PPP6R3: variants seen among roughly 807,000 people sequenced by gnomAD.
PPP6R3 encodes the protein serine/threonine-protein phosphatase 6 regulatory subunit 3.
In PPP6R3, 38 loss-of-function variants were observed where a neutral mutation model predicts 110.7. That is an observed-to-expected ratio of 0.34 (90% CI 0.26 to 0.45). The LOEUF (loss-of-function observed/expected upper bound fraction) is 0.45, where lower values mean the gene tolerates loss of function less well. Ranked by LOEUF, PPP6R3 falls within the 20% of genes least tolerant of loss-of-function variation. The pLI, the probability that PPP6R3 is intolerant of heterozygous loss-of-function variation, is 1.00. For synonymous variants in PPP6R3, 369 were observed against 373.5 expected (o/e 0.99, Z 0.14); for missense variants, 870 against 1,062.4 (o/e 0.82, Z 2.52).
chr11:68,603,690 C>A, intron 22 of PPP6R3, 198 bp downstream of exon 22: 1 of 607,968 alleles, frequency 1.6e-6, no homozygotes, highest in South Asian at 2.0e-5. Flanking sequence ...CCTTTTCCCC[C>A]ATAAATGTGT....
At chr11:68,528,434 G>GC (rs1491122305) in intron 2 of PPP6R3, among the ~76,000 whole-genome samples, 3 of 10,184 alleles carry the variant, frequency 2.9e-4, no homozygotes, top group Admixed American at 2.3e-3. Context: ...TTGTGTGTGT[G>GC]GGGGGGGGGG....
chr11:68,476,427 C>T lies in PPP6R3; in HGVS notation c.-158+15600C>T, dbSNP rs534934263. The stretch of plus-strand genomic sequence containing the variant: ...AGATGGCAGCAGTACAGTCCAGCTT[C>T]GGCTGGGCATCAGAGGGAGACCGTG... On this transcript the variant is annotated intron_variant, in intron 1 of 23. Coordinates refer to ENST00000393800, the MANE Select transcript of PPP6R3 (RefSeq NM_001164161.2). Among the ~76,000 whole-genome samples, 870 of 100,386 alleles carry T rather than the reference C, an allele frequency of 8.7e-3. 13 individuals are homozygous for T. The highest frequency in any genetic ancestry group is 0.031 in the African/African-American group (803 of 25,500). The allele number at this position is 100,386 out of a possible 152,430, so 65.9% of individuals were successfully genotyped here. A position where few individuals can be genotyped will look rare whatever the true frequency, so the allele number is the denominator to read the frequency against.
intron 8 of PPP6R3, among the ~76,000 whole-genome samples, chr11:68,561,485 A>G (rs983493872): frequency 2.0e-5 from 3 of 152,232 alleles, no homozygotes; most frequent in Non-Finnish European, 4.4e-5. Context: ...ACAAAATGCC[A>G]CAAGAGCTGA....
Position 68,613,603 on chromosome 11 carries a change from C to G in PPP6R3, c.*486C>G. Reference sequence around the variant, plus strand: ...CAAGGAGTTGTAGAATGAAAATGCCCTCTAAGTGTTATTTTGGTTGTTCTA... The same window carrying G: ...CAAGGAGTTGTAGAATGAAAATGCCGTCTAAGTGTTATTTTGGTTGTTCTA... On this transcript the variant is annotated 3_prime_UTR_variant, in exon 24 of 24. Transcript: ENST00000393800. 1 of 985,870 alleles carries G rather than the reference C, an allele frequency of 1.0e-6. No individual in the cohort carries two copies. Among genetic ancestry groups the G allele is most frequent in the Non-Finnish European group, 1.2e-6 (1 of 830,030 alleles). 61.1% of individuals were successfully genotyped at this position (985,870 alleles called of 1,614,324 possible).
At chr11:68,543,129 G>C (rs1390364331) in intron 3 of PPP6R3, among the ~76,000 whole-genome samples, 2 of 152,160 alleles carry the variant, frequency 1.3e-5, no homozygotes, top group Non-Finnish European at 2.9e-5. Flanking sequence ...TCCTCCATAA[G>C]ATAAGGACTA....
chr11:68,557,188 G>A (rs1013745553), intron 7 of PPP6R3, among the ~76,000 whole-genome samples: 1 of 152,232 alleles, frequency 6.6e-6, no homozygotes, highest in East Asian at 1.9e-4. Context: ...TTAGTGTATA[G>A]ACTGCTGTGT....
At chr11:68,573,117 TATATA>T (rs2099514871) in intron 12 of PPP6R3, among the ~76,000 whole-genome samples, 2 of 23,646 alleles carry the variant, frequency 8.5e-5, no homozygotes, top group East Asian at 1.3e-3. Flanking sequence ...ACTTATTTTA[TATATA>T]TATATATATA....
chr11:68,494,296 C>CGG (rs2099002330), intron 1 of PPP6R3, among the ~76,000 whole-genome samples: 1 of 149,264 alleles, frequency 6.7e-6, no homozygotes, highest in Non-Finnish European at 1.5e-5. Context: ...GAGGCCGAGG[C>CGG]GGGCGGATCA....
chr11:68,516,315 CAT>C (rs1341816959), intron 1 of PPP6R3, among the ~76,000 whole-genome samples: 9 of 152,192 alleles, frequency 5.9e-5, no homozygotes, highest in South Asian at 2.1e-4. Context: ...TCATACAACA[CAT>C]GTGACCTCAT....
intron 19 of PPP6R3, among the ~76,000 whole-genome samples, chr11:68,596,760 A>G (rs1448925590): frequency 1.3e-5 from 2 of 152,214 alleles, no homozygotes; most frequent in Non-Finnish European, 1.5e-5. Context: ...AAATACTTCA[A>G]AAACTTCTAA....
Position 68,551,171 on chromosome 11 carries a change from A to G in PPP6R3, c.603A>G (p.Pro201=), listed in dbSNP as rs1565784026. ...IIQRLVEIVH[P]SQEEDRHSNA... ...AGAGGCTTGTGGAAATAGTTCATCC[A>G]TCGCAAGAAGAAGATGTAAGTTCAC... The change falls in exon 6 of 24, where the codon CCA becomes CCG. Residue 201 remains proline (P), a synonymous_variant. Coordinates refer to ENST00000393800, the MANE Select transcript of PPP6R3 (RefSeq NM_001164161.2). The G allele has an allele frequency of 3.7e-6, 6 of 1,610,964 alleles. No individual in the cohort carries two copies. The South Asian group carries it at 4.4e-5, about 12-fold the overall frequency.
intron 1 of PPP6R3, among the ~76,000 whole-genome samples, chr11:68,518,867 C>G (rs2099149977): frequency 6.6e-6 from 1 of 152,040 alleles, no homozygotes; most frequent in African/African-American, 2.4e-5. Context: ...TTGGCCCTGT[C>G]AGGCTTCACT....
At chr11:68,477,745 T>TATATATATATATATATATAGAG (rs1183977846) in intron 1 of PPP6R3, among the ~76,000 whole-genome samples, 3 of 101,130 alleles carry the variant, frequency 3.0e-5, no homozygotes, top group Non-Finnish European at 4.1e-5. Flanking sequence ...AAAAAAAATA[T>TATATATATATATATATATAGAG]ATATATATAT....
At chr11:68,568,772 A>ATTT (rs879311640) in intron 10 of PPP6R3, among the ~76,000 whole-genome samples, 1 of 143,996 alleles carries the variant, frequency 6.9e-6, no homozygotes, top group Non-Finnish European at 1.5e-5. Flanking sequence ...AATTCTTACA[A>ATTT]TTTTTTTTTT....
chr11:68,465,159 G>T (rs2098736973), intron 1 of PPP6R3, among the ~76,000 whole-genome samples: 1 of 152,220 alleles, frequency 6.6e-6, no homozygotes, highest in Non-Finnish European at 1.5e-5. Flanking sequence ...TGGGATTACA[G>T]GCGTGAGCCA....
At chr11:68,500,546 T>A (rs1420725429) in intron 1 of PPP6R3, among the ~76,000 whole-genome samples, 3 of 152,206 alleles carry the variant, frequency 2.0e-5, no homozygotes, top group Admixed American at 2.0e-4. Flanking sequence ...GGTGTGATCT[T>A]AGCTCACTGC....
At chr11:68,478,647 G>GTGTTTTT (rs2098860039) in intron 1 of PPP6R3, among the ~76,000 whole-genome samples, 2 of 50,506 alleles carry the variant, frequency 4.0e-5, no homozygotes, top group African/African-American at 9.7e-5. Context: ...CACTTGGTAA[G>GTGTTTTT]TTTTTTTTTT....
intron 19 of PPP6R3, among the ~76,000 whole-genome samples, chr11:68,597,467 T>C (rs1384437414): frequency 6.6e-6 from 1 of 152,126 alleles, no homozygotes; most frequent in Non-Finnish European, 1.5e-5. Flanking sequence ...TGGTTCTGTT[T>C]CAAGACATTC....
At chr11:68,594,339 A>AGAAAAAGAGAGAGAGAGT (rs1566084792) in intron 18 of PPP6R3, among the ~76,000 whole-genome samples, 2 of 133,722 alleles carry the variant, frequency 1.5e-5, no homozygotes, top group Non-Finnish European at 3.4e-5. Flanking sequence ...AGAGAGTGAG[A>AGAAAAAGAGAGAGAGAGT]GAGAGAGTGA....
Sources: gnomAD v4.1 joint callset for allele counts (sites outside exome capture counted in the v4.1 genomes callset) on GRCh38, gnomAD v4.1.1 for gene constraint, MANE v1.5 for transcripts, NCBI Gene and HGNC (gene_info 2026-07-23, HGNC 2026-07-21) for gene names.